GABRG3: variants seen among roughly 807,000 people sequenced by gnomAD.
GABRG3 encodes the protein gamma-aminobutyric acid receptor subunit gamma-3.
In GABRG3, 25 loss-of-function variants were observed where a neutral mutation model predicts 48.8. The observed-to-expected ratio is 0.51, with a 90% CI of 0.37 to 0.72. The LOEUF (loss-of-function observed/expected upper bound fraction) is 0.72. Among genes scored for constraint, GABRG3 ranks in the 30% least tolerant of loss-of-function variants. The pLI, the probability that GABRG3 is intolerant of heterozygous loss-of-function variation, is 0.00. For synonymous variants in GABRG3, 227 were observed against 217.6 expected (o/e 1.04, Z -0.38); for missense variants, 394 against 577.9 (o/e 0.68, Z 3.26).
intron 3 of GABRG3, among the ~76,000 whole-genome samples, chr15:27,143,360 G>A (rs1187302535): frequency 2.0e-5 from 3 of 152,206 alleles, no homozygotes; most frequent in Non-Finnish European, 4.4e-5. Flanking sequence ...GATAACAGGT[G>A]TGAGCTACCA....
At chr15:27,185,585 C>G (rs1888067685) in intron 3 of GABRG3, among the ~76,000 whole-genome samples, 1 of 152,040 alleles carries the variant, frequency 6.6e-6, no homozygotes, top group Admixed American at 6.6e-5. Flanking sequence ...ATTAATGTTC[C>G]TGATAATTTT....
intron 5 of GABRG3, among the ~76,000 whole-genome samples, chr15:27,422,760 G>C (rs925647640): frequency 2.6e-5 from 4 of 152,180 alleles, no homozygotes; most frequent in African/African-American, 9.7e-5. Flanking sequence ...TTAAAGAGAA[G>C]ACTGCAGGGG....
intron 3 of GABRG3, among the ~76,000 whole-genome samples, chr15:27,306,466 A>T (rs960959789): frequency 7.1e-6 from 1 of 140,592 alleles, no homozygotes; most frequent in Non-Finnish European, 1.5e-5. Context: ...AAACATAAAC[A>T]TGTCTATATA....
rs1484808211 is a variant in GABRG3, at chr15:27,537,700, AT to A, written c.*4823del. On this transcript the variant is annotated 3_prime_UTR_variant, in exon 10 of 10. Coordinates refer to ENST00000615808, the MANE Select transcript of GABRG3 (RefSeq NM_033223.5). ...AGTTTTGAAGACTAGATATTAGGGC[AT>A]TTTCTTTCCTCCTTTTAAAATTTCT... 4 of 151,912 alleles carry A rather than the reference AT, an allele frequency of 2.6e-5. No homozygotes were observed. Among genetic ancestry groups the A allele is most frequent in the African/African-American group, 9.7e-5 (4 of 41,364 alleles). 9.4% of individuals were successfully genotyped at this position (151,912 alleles called of 1,614,324 possible). A position where few individuals can be genotyped will look rare whatever the true frequency, so the allele number is the denominator to read the frequency against.
intron 2 of GABRG3, among the ~76,000 whole-genome samples, chr15:26,994,638 G>A (rs1013612263): frequency 1.3e-5 from 2 of 151,904 alleles, no homozygotes; most frequent in Non-Finnish European, 2.9e-5. Flanking sequence ...ATCACAGTTA[G>A]TGTTATACTA....
At chr15:27,370,928 A>G (rs1011024923) in intron 5 of GABRG3, among the ~76,000 whole-genome samples, 3 of 152,168 alleles carry the variant, frequency 2.0e-5, no homozygotes, top group African/African-American at 7.2e-5. Context: ...GTACTGCACA[A>G]GTGGGACGCT....
chr15:27,020,463 G>C (rs1417462327), intron 2 of GABRG3, among the ~76,000 whole-genome samples: 1 of 152,214 alleles, frequency 6.6e-6, no homozygotes, highest in Non-Finnish European at 1.5e-5. Context: ...CCAGGCTGGA[G>C]TGCAGTGGCG....
At chr15:27,496,344 G>C (rs552455722) in intron 6 of GABRG3, among the ~76,000 whole-genome samples, 39 of 152,306 alleles carry the variant, frequency 2.6e-4, no homozygotes, top group Admixed American at 1.2e-3. Flanking sequence ...GGGATGTGTG[G>C]CTGGAATCGG....
At chr15:27,307,038 A>ACATGTTTATATATAAACATAT (rs1566769941) in intron 3 of GABRG3, among the ~76,000 whole-genome samples, 4 of 84,124 alleles carry the variant, frequency 4.8e-5, no homozygotes, top group Admixed American at 1.2e-4. Flanking sequence ...ACATGTATAA[A>ACATGTTTATATATAAACATAT]ATAAACATGT....
intron 2 of GABRG3, among the ~76,000 whole-genome samples, chr15:26,987,610 G>A (rs983769044): frequency 2.6e-5 from 4 of 152,148 alleles, no homozygotes; most frequent in Non-Finnish European, 4.4e-5. Context: ...CAGAACCGCC[G>A]GAAGAGCTGG....
At chr15:27,344,847 C>T (rs992340629) in intron 5 of GABRG3, among the ~76,000 whole-genome samples, 3 of 151,842 alleles carry the variant, frequency 2.0e-5, no homozygotes, top group Non-Finnish European at 2.9e-5. Flanking sequence ...TCAATTCTTC[C>T]AGTTTTACCT....
At chr15:27,033,515 C>T (rs1339756521) in intron 3 of GABRG3, among the ~76,000 whole-genome samples, 1 of 152,082 alleles carries the variant, frequency 6.6e-6, no homozygotes, top group East Asian at 1.9e-4. Context: ...CTTTGGTAAC[C>T]TCCTGAACTG....
At chr15:27,312,615 C>T (rs1299812608) in intron 3 of GABRG3, among the ~76,000 whole-genome samples, 3 of 152,004 alleles carry the variant, frequency 2.0e-5, no homozygotes, top group Non-Finnish European at 4.4e-5. Context: ...ACCTTACAGG[C>T]CAAAAGGGAT....
intron 6 of GABRG3, among the ~76,000 whole-genome samples, chr15:27,507,589 G>A (rs1198747618): frequency 6.6e-6 from 1 of 152,078 alleles, no homozygotes; most frequent in African/African-American, 2.4e-5. Flanking sequence ...GTTCTATTTT[G>A]CCGAACATTC....
intron 2 of GABRG3, among the ~76,000 whole-genome samples, chr15:26,984,602 G>C (rs1240397417): frequency 6.6e-6 from 1 of 152,082 alleles, no homozygotes; most frequent in Non-Finnish European, 1.5e-5. Context: ...TCCTTAGCTG[G>C]TTCAGGGTGA....
chr15:27,422,945 G>C (rs1888170480), intron 5 of GABRG3, among the ~76,000 whole-genome samples: 1 of 152,082 alleles, frequency 6.6e-6, no homozygotes, highest in African/African-American at 2.4e-5. Context: ...GCCAAGCACT[G>C]GCTTCTGAGA....
At chr15:27,503,123 T>G (rs1890682590) in intron 6 of GABRG3, among the ~76,000 whole-genome samples, 1 of 152,156 alleles carries the variant, frequency 6.6e-6, no homozygotes, top group Non-Finnish European at 1.5e-5. Context: ...CCTTGGTCTT[T>G]CAAGTGACCA....
intron 3 of GABRG3, among the ~76,000 whole-genome samples, chr15:27,247,224 G>A (rs533762704): frequency 6.6e-6 from 1 of 152,044 alleles, no homozygotes; most frequent in Non-Finnish European, 1.5e-5. Flanking sequence ...ATAGGCATGA[G>A]CCACCCTGCC....
At position 27,210,471 on chromosome 15, in the gene GABRG3, C is replaced by T. The variant is rs73375562; in HGVS notation, c.271-116338C>T. ...GTGCATTCTCTTTCCATCACACACG[C>T]GCACCTGCGTGCACACACATACACA... On this transcript the variant is annotated intron_variant, in intron 3 of 9. Transcript: ENST00000615808. Among the ~76,000 whole-genome samples, 238 of 152,326 alleles carry T rather than the reference C, an allele frequency of 1.6e-3. 3 individuals carry two copies. Among genetic ancestry groups the T allele is most frequent in the African/African-American group, 5.4e-3 (224 of 41,564 alleles).
Sources: gnomAD v4.1 joint callset for allele counts (sites outside exome capture counted in the v4.1 genomes callset) on GRCh38, gnomAD v4.1.1 for gene constraint, MANE v1.5 for transcripts, NCBI Gene and HGNC (gene_info 2026-07-23, HGNC 2026-07-21) for gene names.